Variants in FRMD5 observed in about 807,000 individuals in gnomAD.
The protein encoded by FRMD5 is FERM domain containing 5.
A neutral mutation model predicts 69.0 loss-of-function variants in FRMD5; 20 were observed. The observed-to-expected ratio is 0.29, with a 90% CI of 0.20 to 0.42. The LOEUF (loss-of-function observed/expected upper bound fraction) is 0.42. FRMD5 is among the 10% of genes least tolerant of loss of function. The pLI, the probability that FRMD5 is intolerant of heterozygous loss-of-function variation, is 1.00. For missense variants in FRMD5, 595 were observed against 708.6 expected (o/e 0.84, Z 1.82); for synonymous variants, 271 against 260.1 (o/e 1.04, Z -0.40).
chr15:43,883,885 G>T, intron 12 of FRMD5, 76 bp from the exon 13 acceptor site: 1 of 1,040,038 alleles, frequency 9.6e-7, no homozygotes. Context: ...TTGAGTACTG[G>T]CTACTAGAAT....
At chr15:44,025,728 T>C (rs990750793) in intron 1 of FRMD5, among the ~76,000 whole-genome samples, 1 of 152,120 alleles carries the variant, frequency 6.6e-6, no homozygotes, top group African/African-American at 2.4e-5. Flanking sequence ...ATATGAATAG[T>C]ATACAGAAAG....
At chr15:44,192,224 C>T (rs754237799) in intron 1 of FRMD5, among the ~76,000 whole-genome samples, 5 of 151,924 alleles carry the variant, frequency 3.3e-5, no homozygotes, top group East Asian at 1.9e-4. Flanking sequence ...AATGCCAGAT[C>T]GGAATAAATG....
intron 1 of FRMD5, among the ~76,000 whole-genome samples, chr15:44,005,659 C>T (rs985592251): frequency 3.3e-5 from 5 of 151,832 alleles, no homozygotes; most frequent in Non-Finnish European, 7.4e-5. Context: ...CTCACATGGC[C>T]GGAGCACGAG....
At chr15:44,151,863 G>A (rs546411606) in intron 1 of FRMD5, among the ~76,000 whole-genome samples, 22 of 152,262 alleles carry the variant, frequency 1.4e-4, no homozygotes, top group Admixed American at 3.9e-4. Flanking sequence ...ATTAATGTCC[G>A]GAATATATAG....
chr15:43,918,805 A>G (rs2089441772), intron 4 of FRMD5, among the ~76,000 whole-genome samples: 1 of 152,222 alleles, frequency 6.6e-6, no homozygotes, highest in African/African-American at 2.4e-5. Context: ...TTTCGCTCAG[A>G]TACACAAAAT....
In FRMD5 at chr15:44,189,131, G is replaced by A. The variant is rs530317857; in HGVS notation, c.102+5822C>T. Among the ~76,000 whole-genome samples the A allele has an allele frequency of 2.0e-5, 3 of 152,264 alleles. No homozygotes were observed. In the East Asian group the frequency reaches 5.8e-4, roughly 29 times the overall value. On this transcript the variant is annotated intron_variant, in intron 1 of 13. Coordinates refer to ENST00000417257, the MANE Select transcript of FRMD5 (RefSeq NM_032892.5). Reference sequence around the variant, plus strand: ...GTTTGTGTTTAGTCTAACGGTAGCAGGCAAAAGCCTGGGGAATTTGAACCT... The same window carrying A: ...GTTTGTGTTTAGTCTAACGGTAGCAAGCAAAAGCCTGGGGAATTTGAACCT...
chr15:44,033,507 T>A (rs1891777322), intron 1 of FRMD5, among the ~76,000 whole-genome samples: 1 of 152,234 alleles, frequency 6.6e-6, no homozygotes, highest in Admixed American at 6.5e-5. Flanking sequence ...TGATATAGCA[T>A]AAATGAACTT....
intron 1 of FRMD5, among the ~76,000 whole-genome samples, chr15:44,101,924 G>A (rs1027755297): frequency 9.9e-5 from 15 of 152,144 alleles, no homozygotes; most frequent in African/African-American, 3.1e-4. Flanking sequence ...ATTTTAAACC[G>A]CTACCAAAGT....
chr15:43,885,650 T>C, intron 11 of FRMD5, 31 bp downstream of exon 11: 1 of 1,555,686 alleles, frequency 6.4e-7, no homozygotes. Flanking sequence ...TGAAAATAGA[T>C]CCATAATGGT....
chr15:44,171,083 C>G (rs2077794419), intron 1 of FRMD5, among the ~76,000 whole-genome samples: 1 of 151,820 alleles, frequency 6.6e-6, no homozygotes, highest in Non-Finnish European at 1.5e-5. Context: ...AAGATATATG[C>G]CTATAAGCAG....
chr15:44,180,399 T>C (rs2077977035), intron 1 of FRMD5, among the ~76,000 whole-genome samples: 1 of 152,200 alleles, frequency 6.6e-6, no homozygotes, highest in African/African-American at 2.4e-5. Flanking sequence ...CGTGTCATAA[T>C]ATTCATAACT....
At chr15:43,999,887 T>C (rs1179450161) in intron 1 of FRMD5, among the ~76,000 whole-genome samples, 2 of 35,412 alleles carry the variant, frequency 5.6e-5, no homozygotes, top group Non-Finnish European at 1.8e-4. Context: ...GATACACACA[T>C]ACATGATATA....
intron 1 of FRMD5, among the ~76,000 whole-genome samples, chr15:44,098,022 G>A (rs2076578207): frequency 6.6e-6 from 1 of 151,496 alleles, no homozygotes; most frequent in African/African-American, 2.4e-5. Flanking sequence ...GCATGAACCT[G>A]GCCTGACCCT....
At chr15:43,950,427 A>G (rs772909325) in intron 1 of FRMD5, among the ~76,000 whole-genome samples, 1 of 152,212 alleles carries the variant, frequency 6.6e-6, no homozygotes, top group Non-Finnish European at 1.5e-5. Context: ...TGCTTAAACT[A>G]CGATAGACTG....
intron 1 of FRMD5, among the ~76,000 whole-genome samples, chr15:44,050,350 G>A (rs1000441622): frequency 3.1e-4 from 47 of 151,904 alleles, no homozygotes; most frequent in Admixed American, 3.1e-3. Flanking sequence ...GATAACTAAA[G>A]AGTATTTTTC....
chr15:44,103,371 G>T (rs2076668697), intron 1 of FRMD5, among the ~76,000 whole-genome samples: 2 of 152,134 alleles, frequency 1.3e-5, no homozygotes, highest in Non-Finnish European at 2.9e-5. Flanking sequence ...ATTCAAATTA[G>T]GAAGGAGTTT....
chr15:44,038,997 A>AG (rs981766644), intron 1 of FRMD5, among the ~76,000 whole-genome samples: 2 of 152,026 alleles, frequency 1.3e-5, no homozygotes, highest in African/African-American at 4.8e-5. Flanking sequence ...CAAGCTTTGT[A>AG]GGGGGAGGGG....
At chr15:44,060,383 T>A (rs1566926055) in intron 1 of FRMD5, among the ~76,000 whole-genome samples, 1 of 152,294 alleles carries the variant, frequency 6.6e-6, no homozygotes, top group East Asian at 1.9e-4. Context: ...GCTGTGACAG[T>A]GCTGAGCTCT....
intron 1 of FRMD5, among the ~76,000 whole-genome samples, chr15:44,047,685 A>T (rs1374869110): frequency 6.6e-6 from 1 of 152,114 alleles, no homozygotes; most frequent in Non-Finnish European, 1.5e-5. Flanking sequence ...CCTAAAAGAA[A>T]CCCTGTATCC....
Sources: gnomAD v4.1 joint callset for allele counts (sites outside exome capture counted in the v4.1 genomes callset) on GRCh38, gnomAD v4.1.1 for gene constraint, MANE v1.5 for transcripts, NCBI Gene and HGNC (gene_info 2026-07-23, HGNC 2026-07-21) for gene names.